SMAP1: variants seen among roughly 807,000 people sequenced by gnomAD.
SMAP1 encodes the protein small ArfGAP 1, also known as stromal membrane-associated protein 1.
In SMAP1, 24 loss-of-function variants were observed where a neutral mutation model predicts 58.5. The observed-to-expected ratio is 0.41, with a 90% CI of 0.30 to 0.58. The LOEUF is 0.58. SMAP1 is among the 20% of genes least tolerant of loss of function. The probability of loss-of-function intolerance (pLI) is 0.29; values close to 1 mark genes in which losing one functional copy is unlikely to be tolerated. For synonymous variants in SMAP1, 216 were observed against 196.6 expected (o/e 1.10, Z -0.82); for missense variants, 563 against 566.3 (o/e 0.99, Z 0.06).
intron 6 of SMAP1, among the ~76,000 whole-genome samples, chr6:70,801,755 CA>C (rs1768865374): frequency 6.6e-6 from 1 of 152,170 alleles, no homozygotes; most frequent in African/African-American, 2.4e-5. Context: ...TTCCCAGCAC[CA>C]TTTATTAAAT....
At chr6:70,855,384 G>T (rs1771373625) in intron 8 of SMAP1, among the ~76,000 whole-genome samples, 1 of 152,126 alleles carries the variant, frequency 6.6e-6, no homozygotes, top group Admixed American at 6.6e-5. Flanking sequence ...TTCATATTAT[G>T]ATGTTTACAG....
At chr6:70,747,968 T>G (rs572878920) in intron 2 of SMAP1, among the ~76,000 whole-genome samples, 1 of 152,266 alleles carries the variant, frequency 6.6e-6, no homozygotes, top group South Asian at 2.1e-4. Context: ...AAAAAAATAA[T>G]TAAAACAGAG....
At chr6:70,851,483 C>T (rs1251570022) in intron 7 of SMAP1, among the ~76,000 whole-genome samples, 1 of 152,066 alleles carries the variant, frequency 6.6e-6, no homozygotes, top group African/African-American at 2.4e-5. Context: ...GTATGGTCTA[C>T]CAAAGAGATA....
In SMAP1 at chr6:70,860,429, C is replaced by CTT. The variant is rs1233884171; in HGVS notation, c.*99_*100dup. ...GTTTATTCATATGCATATTTTTTTT[C>CTT]TTTTTACCCATTTGTTCATATTAAG... On this transcript the variant is annotated 3_prime_UTR_variant, in exon 11 of 11. Transcript: ENST00000370455. The CTT allele has an allele frequency of 7.0e-7, 1 of 1,429,194 alleles. No homozygotes were observed. The highest frequency in any genetic ancestry group is 1.5e-5 in the African/African-American group (1 of 68,746). 88.5% of individuals were successfully genotyped at this position (1,429,194 alleles called of 1,614,324 possible).
intron 3 of SMAP1, among the ~76,000 whole-genome samples, chr6:70,761,663 A>G (rs927873085): frequency 1.1e-4 from 17 of 152,038 alleles, no homozygotes; most frequent in Admixed American, 1.0e-3. Context: ...TGCCTATCAG[A>G]ATACCTTTGT....
chr6:70,850,514 ATTT>A (rs1771145092), intron 7 of SMAP1, among the ~76,000 whole-genome samples: 1 of 151,710 alleles, frequency 6.6e-6, no homozygotes, highest in Non-Finnish European at 1.5e-5. Context: ...TTGAGTTTAA[ATTT>A]TATAAACATT....
chr6:70,680,306 T>G (rs1766647534), intron 1 of SMAP1, among the ~76,000 whole-genome samples: 1 of 152,184 alleles, frequency 6.6e-6, no homozygotes, highest in South Asian at 2.1e-4. Context: ...GGACACAAAA[T>G]TATATTCCAT....
chr6:70,789,480 T>G (rs369689582), intron 4 of SMAP1, among the ~76,000 whole-genome samples: 13 of 152,204 alleles, frequency 8.5e-5, no homozygotes, highest in African/African-American at 3.1e-4. Flanking sequence ...GTTTCTGATT[T>G]GTTATGAATT....
At chr6:70,830,066 A>C (rs1770297358) in intron 6 of SMAP1, among the ~76,000 whole-genome samples, 2 of 152,250 alleles carry the variant, frequency 1.3e-5, no homozygotes, top group Admixed American at 6.5e-5. Flanking sequence ...ATGTGATTCT[A>C]AGGAAATTAC....
chr6:70,668,926 A>G (rs554706592), intron 1 of SMAP1, among the ~76,000 whole-genome samples: 17 of 152,304 alleles, frequency 1.1e-4, no homozygotes, highest in African/African-American at 4.1e-4. Context: ...TGATTTGTGT[A>G]CCTCATAAAT....
intron 6 of SMAP1, among the ~76,000 whole-genome samples, chr6:70,831,586 G>T (rs59058072): frequency 0.17 from 25,840 of 152,114 alleles, 3,463 homozygotes; most frequent in East Asian, 0.57. Flanking sequence ...TGTTGCTGCA[G>T]AGGACATGAT....
At chr6:70,810,244 C>T (rs1769329308) in intron 6 of SMAP1, among the ~76,000 whole-genome samples, 1 of 152,104 alleles carries the variant, frequency 6.6e-6, no homozygotes, top group Non-Finnish European at 1.5e-5. Context: ...CTCAAAGGAT[C>T]CTTCTGTCTC....
chr6:70,773,171 C>G, intron 3 of SMAP1, 179 bp from the exon 4 acceptor site: 1 of 471,230 alleles, frequency 2.1e-6, no homozygotes. Context: ...AAGAGGTAGA[C>G]TTCTTTAAGA....
intron 1 of SMAP1, among the ~76,000 whole-genome samples, chr6:70,686,930 G>C (rs1246796965): frequency 6.6e-6 from 1 of 152,142 alleles, no homozygotes; most frequent in East Asian, 1.9e-4. Context: ...GTAGTGCCCT[G>C]TTTGAGAAAT....
At chr6:70,768,631 T>A (rs1767115925) in intron 3 of SMAP1, among the ~76,000 whole-genome samples, 1 of 152,208 alleles carries the variant, frequency 6.6e-6, no homozygotes, top group Non-Finnish European at 1.5e-5. Flanking sequence ...TCTATTTGAT[T>A]CTTCTCTCTT....
intron 6 of SMAP1, among the ~76,000 whole-genome samples, chr6:70,835,381 G>A (rs1312665409): frequency 2.0e-5 from 3 of 151,880 alleles, no homozygotes; most frequent in Non-Finnish European, 4.4e-5. Context: ...AGAAGTTAAC[G>A]TATCTCTAAT....
intron 1 of SMAP1, among the ~76,000 whole-genome samples, chr6:70,679,539 C>A (rs937467932): frequency 2.6e-5 from 4 of 152,000 alleles, no homozygotes; most frequent in African/African-American, 7.3e-5. Flanking sequence ...ATTAAGTTTA[C>A]AGAAATAAAG....
At chr6:70,762,326 C>T (rs868039938) in intron 3 of SMAP1, among the ~76,000 whole-genome samples, 1 of 152,092 alleles carries the variant, frequency 6.6e-6, no homozygotes. Flanking sequence ...CTTTGGAGAG[C>T]TATGAAGGGA....
intron 3 of SMAP1, among the ~76,000 whole-genome samples, chr6:70,760,984 C>G (rs748125501): frequency 2.0e-5 from 3 of 151,948 alleles, no homozygotes; most frequent in Admixed American, 6.6e-5. Flanking sequence ...TACTTCAGTT[C>G]CATGAGATCT....
Sources: gnomAD v4.1 joint callset for allele counts (sites outside exome capture counted in the v4.1 genomes callset) on GRCh38, gnomAD v4.1.1 for gene constraint, MANE v1.5 for transcripts, NCBI Gene and HGNC (gene_info 2026-07-23, HGNC 2026-07-21) for gene names.